Variants in SND1 observed in about 807,000 individuals in gnomAD.
SND1 encodes staphylococcal nuclease domain-containing protein 1.
In SND1, 38 loss-of-function variants were observed where a neutral mutation model predicts 121.7. The observed-to-expected ratio is 0.31, with a 90% confidence interval of 0.24 to 0.41. SND1 has a LOEUF of 0.41. Ranked by LOEUF, SND1 falls within the 10% of genes least tolerant of loss-of-function variation. The pLI, the probability that SND1 is intolerant of heterozygous loss-of-function variation, is 1.00. For missense variants in SND1, 868 were observed against 1,184.6 expected (o/e 0.73, Z 3.92); for synonymous variants, 401 against 447.4 (o/e 0.90, Z 1.31).
At chr7:127,691,592 A>T (rs1404439863) in intron 2 of SND1, among the ~76,000 whole-genome samples, 1 of 151,986 alleles carries the variant, frequency 6.6e-6, no homozygotes, top group African/African-American at 2.4e-5. Flanking sequence ...GGTAAAAAAT[A>T]AAAAAATAAA....
rs148010737 is a variant in SND1, at chr7:127,948,524, G to A, written c.1669+19195G>A. 5.8e-4 allele frequency among the ~76,000 whole-genome samples: 89 copies of A among 152,346 alleles called. 1 individual carries two copies. Among genetic ancestry groups the A allele is most frequent in the African/African-American group, 1.9e-3 (78 of 41,578 alleles). On this transcript the variant is annotated intron_variant, in intron 15 of 23. Transcript: ENST00000354725. ...GTCTGTGTCTTCCCGTAGTTCATCA[G>A]ATAAACACTCTAATTGGATAACAGA...
chr7:128,030,567 G>T, intron 16 of SND1: 1 of 1,611,028 alleles, frequency 6.2e-7, no homozygotes, highest in Non-Finnish European at 8.5e-7. Flanking sequence ...CACTTGCGCC[G>T]TGAGGTAGAC....
chr7:128,022,717 T>C (rs1803386409), intron 16 of SND1, among the ~76,000 whole-genome samples: 1 of 102,876 alleles, frequency 9.7e-6, no homozygotes, highest in South Asian at 3.8e-4. Context: ...CCCCTCCCCA[T>C]GACTGTGTTA....
Position 128,092,310 on chromosome 7 carries a change from A to G in SND1, c.*252A>G. On this transcript the variant is annotated 3_prime_UTR_variant, in exon 24 of 24. Coordinates refer to ENST00000354725, the MANE Select transcript of SND1 (RefSeq NM_014390.4). The surrounding 1 kb of genome is among the most constrained non-coding windows in gnomAD (Gnocchi z 4.9). ...GTCTCTGCCAGTTGGTTTTATTTGG[A>G]GGTTTGTGGGCTTTTTTTAAAAAAA... 2.1e-6 allele frequency: 1 copy of G among 468,956 alleles called. No homozygotes were observed. Among genetic ancestry groups the G allele is most frequent in the Non-Finnish European group, 3.8e-6 (1 of 265,312 alleles). The allele number at this position is 468,956 out of a possible 1,614,324, so 29.0% of individuals were successfully genotyped here.
At chr7:127,779,135 G>C (rs543399156) in intron 10 of SND1, among the ~76,000 whole-genome samples, 7 of 152,132 alleles carry the variant, frequency 4.6e-5, no homozygotes, top group Non-Finnish European at 8.8e-5. Context: ...TTGCACTATG[G>C]GGGGGATTGT....
intron 12 of SND1, among the ~76,000 whole-genome samples, chr7:127,860,088 G>A (rs1444661976): frequency 6.6e-6 from 1 of 152,202 alleles, no homozygotes; most frequent in African/African-American, 2.4e-5. Context: ...CCAGGTTAAA[G>A]TGTGACCTTG....
At chr7:127,893,913 G>A (rs1039524817) in intron 13 of SND1, among the ~76,000 whole-genome samples, 9 of 151,984 alleles carry the variant, frequency 5.9e-5, no homozygotes, top group Non-Finnish European at 1.3e-4. Context: ...GCCTTGCTGT[G>A]TTCTACATCT....
At chr7:127,669,990 C>T (rs1276579870) in intron 1 of SND1, among the ~76,000 whole-genome samples, 1 of 151,416 alleles carries the variant, frequency 6.6e-6, no homozygotes, top group Admixed American at 6.6e-5. Context: ...ATTTATTTAA[C>T]TAATTCTAAT....
chr7:127,680,398 C>T lies in SND1; in HGVS notation c.79-6215C>T, dbSNP rs534531802. ...TTCCTCGTCCTAATAAGCCTGGGAG[C>T]GCTATGGGAGACTGGGGCTTATTTC... On this transcript the variant is annotated intron_variant, in intron 1 of 23. Coordinates refer to ENST00000354725, the MANE Select transcript of SND1 (RefSeq NM_014390.4). Among the ~76,000 whole-genome samples, 8 of 152,110 alleles carry T rather than the reference C, an allele frequency of 5.3e-5. No homozygotes were observed. In the East Asian group the frequency reaches 7.7e-4, roughly 15 times the overall value.
At chr7:128,006,376 T>C (rs1802976907) in intron 16 of SND1, among the ~76,000 whole-genome samples, 1 of 152,210 alleles carries the variant, frequency 6.6e-6, no homozygotes, top group African/African-American at 2.4e-5. Context: ...CTCTTGACTC[T>C]CATTTGGGGA....
chr7:128,030,281 G>T, intron 16 of SND1: 1 of 1,614,150 alleles, frequency 6.2e-7, no homozygotes, highest in Non-Finnish European at 8.5e-7. Context: ...TGGCCAGGCC[G>T]TTGAAGGCCC....
intron 2 of SND1, chr7:127,687,263 C>A (rs1795829417): frequency 6.6e-6 from 1 of 152,228 alleles, no homozygotes; most frequent in African/African-American, 2.4e-5. Context: ...CTCTCATTTT[C>A]ATAAATCGTA....
intron 17 of SND1, 133 bp from the exon 18 acceptor site, chr7:128,081,227 A>C: frequency 1.9e-6 from 2 of 1,046,928 alleles, no homozygotes; most frequent in Non-Finnish European, 2.8e-6. Context: ...TGAACTCCTA[A>C]CCTCGTGATC....
At position 127,889,451 on chromosome 7, in the gene SND1, G is replaced by A. The variant is rs915369163; in HGVS notation, c.1454+1439G>A. 2.6e-5 allele frequency among the ~76,000 whole-genome samples: 4 copies of A among 151,886 alleles called. No individual in the cohort carries two copies. In the South Asian group the frequency reaches 6.2e-4, roughly 24 times the overall value. On this transcript the variant is annotated intron_variant, in intron 13 of 23. Transcript: ENST00000354725. The stretch of plus-strand genomic sequence containing the variant: ...ATGTTTTGATACAGGCATGCAATGC[G>A]TAATAATCACATTATGTAAAATGGG...
chr7:127,932,749 C>T (rs902062036), intron 15 of SND1, among the ~76,000 whole-genome samples: 1 of 152,198 alleles, frequency 6.6e-6, no homozygotes, highest in Non-Finnish European at 1.5e-5. Context: ...AAGCAAGACC[C>T]TCCAGCAGCA....
intron 16 of SND1, among the ~76,000 whole-genome samples, chr7:128,010,520 C>T (rs921030809): frequency 6.6e-6 from 1 of 152,216 alleles, no homozygotes; most frequent in Non-Finnish European, 1.5e-5. Context: ...CCTGAGGCCA[C>T]GGAGAGGCTT....
At chr7:127,724,570 ATT>A (rs1372895932) in intron 10 of SND1, among the ~76,000 whole-genome samples, 1 of 152,196 alleles carries the variant, frequency 6.6e-6, no homozygotes, top group East Asian at 1.9e-4. Flanking sequence ...TAGAGGATAA[ATT>A]TCAGGGGAGT....
At chr7:128,022,649 ACT>A (rs761946074) in intron 16 of SND1, among the ~76,000 whole-genome samples, 1 of 151,830 alleles carries the variant, frequency 6.6e-6, no homozygotes, top group South Asian at 2.1e-4. Context: ...CTGGAATAAT[ACT>A]CTTTTTGTGG....
intron 1 of SND1, among the ~76,000 whole-genome samples, chr7:127,685,646 A>G (rs962072941): frequency 6.6e-6 from 1 of 152,140 alleles, no homozygotes; most frequent in Non-Finnish European, 1.5e-5. Context: ...CACAGTTGCA[A>G]GTGGGTTCTA....
Sources: allele counts gnomAD v4.1 joint callset (sites outside exome capture counted in the v4.1 genomes callset), GRCh38; gene constraint gnomAD v4.1.1; non-coding constraint Gnocchi (gnomAD v3.1); transcripts MANE v1.5; gene names NCBI Gene and HGNC (gene_info 2026-07-23, HGNC 2026-07-21).